Variants in PHF24 observed in about 807,000 individuals in gnomAD.
The protein encoded by PHF24 is Galpha inhibitory interacting protein.
PHF24 carries 25 observed loss-of-function variants against 42.6 expected under a neutral mutation model. The observed-to-expected ratio is 0.59, with a 90% confidence interval of 0.43 to 0.82. The LOEUF (loss-of-function observed/expected upper bound fraction) is 0.82. PHF24 is among the 40% of genes least tolerant of loss of function. The probability of loss-of-function intolerance (pLI) is 0.00; values close to 1 mark genes in which losing one functional copy is unlikely to be tolerated. For synonymous variants in PHF24, 185 were observed against 204.8 expected (o/e 0.90, Z 0.83); for missense variants, 470 against 538.1 (o/e 0.87, Z 1.25).
At chr9:34,921,061 C>T in the PHF24 span, among the ~76,000 whole-genome samples, 1 of 152,250 alleles carries the variant, frequency 6.6e-6, no homozygotes, top group South Asian at 2.1e-4. Context: ...TTCCTTGTCT[C>T]GTTCCAGAAC....
chr9:34,739,945 CTAGA>C, the PHF24 span, among the ~76,000 whole-genome samples: 14 of 152,072 alleles, frequency 9.2e-5, no homozygotes, highest in African/African-American at 3.4e-4. Flanking sequence ...ACCAGAGTAG[CTAGA>C]TATAGAGTGT....
the PHF24 span, among the ~76,000 whole-genome samples, chr9:34,790,750 T>A: frequency 6.6e-6 from 1 of 152,160 alleles, no homozygotes; most frequent in Non-Finnish European, 1.5e-5. Context: ...GAGATTGCTG[T>A]TTAAGGAGTG....
chr9:34,724,102 T>C, the PHF24 span: 1 of 1,528,810 alleles, frequency 6.5e-7, no homozygotes, highest in Non-Finnish European at 8.8e-7. Flanking sequence ...CCTCTCTGTT[T>C]CCTGCTAGCA....
chr9:34,936,920 C>G, the PHF24 span, among the ~76,000 whole-genome samples: 2 of 151,732 alleles, frequency 1.3e-5, no homozygotes, highest in African/African-American at 4.8e-5. Context: ...CGGCAGCCAC[C>G]CCGTCTGGGA....
the PHF24 span, chr9:34,729,348 A>G: frequency 1.9e-6 from 3 of 1,551,798 alleles, no homozygotes; most frequent in Admixed American, 2.0e-5. Flanking sequence ...TTGCCAGATA[A>G]TTACAATAAC....
chr9:34,877,236 A>G, the PHF24 span, among the ~76,000 whole-genome samples: 4 of 150,702 alleles, frequency 2.7e-5, no homozygotes, highest in African/African-American at 9.8e-5. Flanking sequence ...AGCCAAGATC[A>G]CACCACTGCA....
At chr9:34,926,705 G>C in the PHF24 span, among the ~76,000 whole-genome samples, 2 of 151,902 alleles carry the variant, frequency 1.3e-5, no homozygotes, top group African/African-American at 4.8e-5. The surrounding 1 kb of genome is among the most constrained non-coding windows in gnomAD (Gnocchi z 4.3). Context: ...CAGGGTTGTT[G>C]CTCAGGCTCA....
chr9:34,676,985 A>G, the PHF24 span, among the ~76,000 whole-genome samples: 2 of 152,246 alleles, frequency 1.3e-5, no homozygotes, highest in Admixed American at 1.3e-4. Flanking sequence ...ACTGGGGATG[A>G]CGCTTCAACA....
At chr9:34,916,010 T>C in the PHF24 span, among the ~76,000 whole-genome samples, 1 of 152,096 alleles carries the variant, frequency 6.6e-6, no homozygotes. Context: ...TCTGCCTTCG[T>C]TCGGCACTCA....
At chr9:34,716,558 T>C in the PHF24 span, among the ~76,000 whole-genome samples, 4 of 121,134 alleles carry the variant, frequency 3.3e-5, no homozygotes, top group African/African-American at 1.3e-4. Context: ...TTGTTTGTTT[T>C]GTTTTGCTTT....
the PHF24 span, among the ~76,000 whole-genome samples, chr9:34,877,001 G>T: frequency 6.6e-6 from 1 of 152,108 alleles, no homozygotes. Flanking sequence ...CTGACATGTG[G>T]CCAGGCATGG....
the PHF24 span, among the ~76,000 whole-genome samples, chr9:34,873,464 C>A: frequency 6.6e-6 from 1 of 151,102 alleles, no homozygotes; most frequent in Middle Eastern, 3.5e-3. Flanking sequence ...AATAGGGAAT[C>A]CTTTCCCCAT....
the PHF24 span, among the ~76,000 whole-genome samples, chr9:34,742,176 C>T: frequency 6.6e-6 from 1 of 152,186 alleles, no homozygotes; most frequent in South Asian, 2.1e-4. Context: ...CAGCAAGATA[C>T]AGCGCAAATA....
chr9:34,761,085 G>A, the PHF24 span, among the ~76,000 whole-genome samples: 259 of 152,158 alleles, frequency 1.7e-3, no homozygotes, highest in African/African-American at 6.0e-3. Context: ...ACTAGCTGTA[G>A]AATATGTGGT....
the PHF24 span, among the ~76,000 whole-genome samples, chr9:34,695,079 CAGA>C: frequency 6.6e-5 from 10 of 152,142 alleles, no homozygotes; most frequent in African/African-American, 2.4e-4. Flanking sequence ...AGCTAGTCAG[CAGA>C]AGAACCAGCC....
chr9:34,832,468 G>C, the PHF24 span: 9 of 1,507,456 alleles, frequency 6.0e-6, no homozygotes, highest in Non-Finnish European at 8.0e-6. Context: ...TTCTGAGCAC[G>C]ATGAGATTGG....
At chr9:34,764,950 G>A in the PHF24 span, among the ~76,000 whole-genome samples, 100 of 151,888 alleles carry the variant, frequency 6.6e-4, no homozygotes, top group African/African-American at 1.9e-3. Context: ...CCTTCATTTC[G>A]TTATGTACCC....
At chr9:34,975,675 T>C (rs1450387336) in intron 3 of PHF24, among the ~76,000 whole-genome samples, 1 of 152,172 alleles carries the variant, frequency 6.6e-6, no homozygotes, top group African/African-American at 2.4e-5. Context: ...ACAACCCACT[T>C]GGAGCAGAGC....
chr9:34,931,100 G>A, the PHF24 span, among the ~76,000 whole-genome samples: 26 of 152,214 alleles, frequency 1.7e-4, no homozygotes, highest in African/African-American at 5.5e-4. Context: ...TAATGAGGCC[G>A]AGCGCGGTGG....
Sources: gnomAD v4.1 joint callset for allele counts (sites outside exome capture counted in the v4.1 genomes callset) on GRCh38, gnomAD v4.1.1 for gene constraint, Gnocchi (gnomAD v3.1) non-coding constraint, MANE v1.5 for transcripts, NCBI Gene and HGNC (gene_info 2026-07-23, HGNC 2026-07-21) for gene names.